PAXIP1: variants seen among roughly 807,000 people sequenced by gnomAD.
PAXIP1 encodes PAX-interacting protein 1.
A neutral mutation model predicts 140.6 loss-of-function variants in PAXIP1; 19 were observed. The observed-to-expected ratio is 0.14, with a 90% CI of 0.09 to 0.20. The LOEUF (loss-of-function observed/expected upper bound fraction) is 0.20, where lower values mean the gene tolerates loss of function less well. Among genes scored for constraint, PAXIP1 ranks in the 10% least tolerant of loss-of-function variants. The pLI, the probability that PAXIP1 is intolerant of heterozygous loss-of-function variation, is 1.00. For synonymous variants in PAXIP1, 442 were observed against 444.6 expected (o/e 0.99, Z 0.07); for missense variants, 920 against 1,208.6 (o/e 0.76, Z 3.54).
At chr7:154,980,619 G>A (rs1182312937) in intron 5 of PAXIP1, among the ~76,000 whole-genome samples, 2 of 151,992 alleles carry the variant, frequency 1.3e-5, no homozygotes, top group African/African-American at 4.8e-5. Flanking sequence ...TCACTTTGTT[G>A]CCCAGGCTGG....
At chr7:154,990,706 T>C (rs1810290673) in intron 4 of PAXIP1, among the ~76,000 whole-genome samples, 1 of 152,250 alleles carries the variant, frequency 6.6e-6, no homozygotes, top group African/African-American at 2.4e-5. Context: ...GAAAATTCTT[T>C]GCCTGTATTT....
At chr7:154,983,972 T>C (rs777810710) in intron 4 of PAXIP1, among the ~76,000 whole-genome samples, 2 of 152,170 alleles carry the variant, frequency 1.3e-5, no homozygotes, top group Non-Finnish European at 2.9e-5. Flanking sequence ...ACTGTAACAA[T>C]AGAAACAGCT....
intron 1 of PAXIP1, among the ~76,000 whole-genome samples, 159 bp downstream of exon 1, chr7:155,002,690 G>A (rs951808865): frequency 4.6e-5 from 7 of 150,926 alleles, no homozygotes; most frequent in Non-Finnish European, 1.0e-4. Flanking sequence ...CCCACCCCGC[G>A]GTCGCCCCTG....
intron 3 of PAXIP1, among the ~76,000 whole-genome samples, 181 bp from the exon 4 acceptor site, chr7:154,991,250 C>T (rs371165807): frequency 1.3e-5 from 2 of 152,296 alleles, no homozygotes; most frequent in African/African-American, 2.4e-5. Context: ...ACAGAAAGAA[C>T]TGAGTGCTTT....
chr7:154,955,505 T>C lies in PAXIP1; in HGVS notation c.2652+24A>G, dbSNP rs192493708. ...AAAAAAGGACACTGCTAAAAATCCT[T>C]GTACGAAGTAGATGAAATTTCACCT... On this transcript the variant is annotated intron_variant, in intron 15 of 20. Coordinates refer to ENST00000404141, the MANE Select transcript of PAXIP1 (RefSeq NM_007349.4). 5.2e-5 allele frequency: 74 copies of C among 1,414,194 alleles called. No individual in the cohort carries two copies. In the East Asian group the frequency reaches 1.5e-3, roughly 29 times the overall value. 87.6% of individuals were successfully genotyped at this position (1,414,194 alleles called of 1,614,324 possible). A position where few individuals can be genotyped will look rare whatever the true frequency, so the allele number is the denominator to read the frequency against.
Position 154,963,347 on chromosome 7 carries a change from T to C in PAXIP1, c.1989+324A>G, listed in dbSNP as rs1327011667. ...CGCACCACCACACCTGGCTAATTTTTGTATTTTTAGTAGAGACAGGATTTC... is the reference window on the plus strand; with the variant it reads ...CGCACCACCACACCTGGCTAATTTTCGTATTTTTAGTAGAGACAGGATTTC... On this transcript the variant is annotated intron_variant, in intron 9 of 20. Coordinates refer to ENST00000404141, the MANE Select transcript of PAXIP1 (RefSeq NM_007349.4). This position sits in a 1 kb window ranked among gnomAD's most constrained non-coding sequence, Gnocchi z 4.1. 6.6e-6 allele frequency among the ~76,000 whole-genome samples: 1 copy of C among 152,118 alleles called. No individual in the cohort carries two copies. The highest frequency in any genetic ancestry group is 1.5e-5 in the Non-Finnish European group (1 of 68,004).
In PAXIP1 at chr7:154,946,241, T is replaced by A; in HGVS notation, c.3194+124A>T. The A allele has an allele frequency of 6.5e-7, 1 of 1,532,024 alleles. No individual in the cohort carries two copies. Among genetic ancestry groups the A allele is most frequent in the Non-Finnish European group, 8.8e-7 (1 of 1,141,806 alleles). 94.9% of individuals were successfully genotyped at this position (1,532,024 alleles called of 1,614,324 possible). ...GAAGAGAAAAGAATTGTTCACTGCATAAATCACAATAGCAAAGAAAGGAAA... is the reference window on the plus strand; with the variant it reads ...GAAGAGAAAAGAATTGTTCACTGCAAAAATCACAATAGCAAAGAAAGGAAA... On this transcript the variant is annotated intron_variant, in intron 20 of 20. Transcript: ENST00000404141. The surrounding 1 kb of genome is among the most constrained non-coding windows in gnomAD (Gnocchi z 4.9).
intron 13 of PAXIP1, among the ~76,000 whole-genome samples, chr7:154,958,093 A>C (rs371453522): frequency 6.6e-6 from 1 of 152,208 alleles, no homozygotes; most frequent in African/African-American, 2.4e-5. Flanking sequence ...GTTACATGAC[A>C]ATCAGATCAA....
At chr7:154,983,853 T>G (rs1005752341) in intron 4 of PAXIP1, 2 of 153,488 alleles carry the variant, frequency 1.3e-5, no homozygotes, top group Admixed American at 1.3e-4. Flanking sequence ...TAAATATTAC[T>G]TAACACAGGA....
chr7:154,968,090 A>G (rs929917630), intron 7 of PAXIP1, among the ~76,000 whole-genome samples, 180 bp from the exon 8 acceptor site: 1 of 152,182 alleles, frequency 6.6e-6, no homozygotes, highest in African/African-American at 2.4e-5. Flanking sequence ...TTAACTGTCT[A>G]CATCAAATGA....
At position 154,968,877 on chromosome 7, in the gene PAXIP1, G is replaced by T; in HGVS notation, c.1324C>A (p.Gln442Lys). The T allele has an allele frequency of 1.1e-6, 1 of 951,244 alleles. No homozygotes were observed. The highest frequency in any genetic ancestry group is 1.7e-6 in the Non-Finnish European group (1 of 599,268). The allele number at this position is 951,244 out of a possible 1,614,324, so 58.9% of individuals were successfully genotyped here. ...QQQISQQPYP[Q>K]QPPHPFSQQQ... Reference sequence around the variant, plus strand: ...TGTGAAAATGGATGCGGCGGCTGCTGGGGGTAAGGTTGCTGAGAGATCTGC... The same window carrying T: ...TGTGAAAATGGATGCGGCGGCTGCTTGGGGTAAGGTTGCTGAGAGATCTGC... Residue 442 changes from glutamine to lysine, a missense_variant, in exon 7 of 21, where the codon CAG becomes AAG. Gln to Lys is a moderately conservative substitution (Grantham distance 53). Transcript: ENST00000404141.
rs995282887 is a variant in PAXIP1 at position 154,968,803 on chromosome 7, T to C, written c.1398A>G (p.Gln466=). ...QQAHPHQFSQ[Q]QLQFPQQQLH... The stretch of plus-strand genomic sequence containing the variant: ...ACTGTTGCTGTGGAAACTGTAGCTG[T>C]TGCTGTGAAAACTGATGCGGATGGG... Residue 466 remains glutamine (Q), a synonymous_variant, in exon 7 of 21, where the codon CAA becomes CAG. Transcript: ENST00000404141. 5 of 724,642 alleles carry C rather than the reference T, an allele frequency of 6.9e-6. No homozygotes were observed. The highest frequency in any genetic ancestry group is 5.4e-5 in the East Asian group (2 of 37,254). The allele number at this position is 724,642 out of a possible 1,614,324, so 44.9% of individuals were successfully genotyped here.
At chr7:154,976,399 AT>A in intron 5 of PAXIP1, 68 bp from the exon 6 acceptor site, 2 of 1,509,504 alleles carry the variant, frequency 1.3e-6, no homozygotes. Flanking sequence ...ACAATTACGC[AT>A]TTTAGAAAAA....
chr7:154,945,745 T>C (rs1009007612), intron 20 of PAXIP1: 1 of 985,264 alleles, frequency 1.0e-6, no homozygotes, highest in African/African-American at 1.7e-5. Context: ...GTAAGGCATG[T>C]TTTGCTTCAC....
At chr7:154,978,936 A>G (rs1398143231) in intron 5 of PAXIP1, among the ~76,000 whole-genome samples, 1 of 152,208 alleles carries the variant, frequency 6.6e-6, no homozygotes, top group African/African-American at 2.4e-5. Flanking sequence ...CTGGCATTTC[A>G]CATTTCAGAA....
intron 5 of PAXIP1, among the ~76,000 whole-genome samples, chr7:154,977,431 C>A (rs558553512): frequency 6.6e-6 from 1 of 152,152 alleles, no homozygotes; most frequent in African/African-American, 2.4e-5. Context: ...AAGAGTCACA[C>A]GCAATAGGGA....
chr7:154,979,994 A>T (rs1362301739), intron 5 of PAXIP1, among the ~76,000 whole-genome samples: 2 of 152,170 alleles, frequency 1.3e-5, no homozygotes, highest in African/African-American at 4.8e-5. Context: ...CACTCCCCGA[A>T]ATTTTGGAAA....
At chr7:154,982,938 A>C (rs1809910674) in intron 5 of PAXIP1, among the ~76,000 whole-genome samples, 1 of 152,208 alleles carries the variant, frequency 6.6e-6, no homozygotes, top group South Asian at 2.1e-4. Flanking sequence ...CCAAAGTTTT[A>C]CTGGATTTGA....
Position 154,982,429 on chromosome 7 carries a change from G to A in PAXIP1, c.438+790C>T, listed in dbSNP as rs374900112. On this transcript the variant is annotated intron_variant, in intron 5 of 20. Transcript: ENST00000404141. ...TGCAGTGGTGTGATCTCAGCTCACT[G>A]CAACTCCACCTCCTGTGTTCAAGCG... is the stretch of plus-strand genomic sequence containing the variant. Among the ~76,000 whole-genome samples, 828 of 97,254 alleles carry A rather than the reference G, an allele frequency of 8.5e-3. 7 individuals are homozygous for A. Among genetic ancestry groups the A allele is most frequent in the African/African-American group, 0.027 (783 of 28,536 alleles). The allele number at this position is 97,254 out of a possible 152,430, so 63.8% of individuals were successfully genotyped here. A position where few individuals can be genotyped will look rare whatever the true frequency, so the allele number is the denominator to read the frequency against.
Sources: gnomAD v4.1 joint callset for allele counts (sites outside exome capture counted in the v4.1 genomes callset) on GRCh38, gnomAD v4.1.1 for gene constraint, Gnocchi (gnomAD v3.1) non-coding constraint, MANE v1.5 for transcripts, NCBI Gene and HGNC (gene_info 2026-07-23, HGNC 2026-07-21) for gene names.